The following TNKS variants were observed in gnomAD, a reference collection of about 807,000 sequenced individuals.
TNKS encodes poly [ADP-ribose] polymerase tankyrase-1.
A neutral mutation model predicts 135.8 loss-of-function variants in TNKS; 72 were observed. The observed-to-expected ratio is 0.53, with a 90% confidence interval of 0.44 to 0.64. The LOEUF (loss-of-function observed/expected upper bound fraction) is 0.64. TNKS is among the 30% of genes least tolerant of loss of function. The pLI is 0.00. For missense variants in TNKS, 1,769 were observed against 1,674.0 expected (o/e 1.06, Z -0.99); for synonymous variants, 849 against 649.3 (o/e 1.31, Z -4.68).
At chr8:9,690,400 C>A (rs1411697160) in intron 5 of TNKS, among the ~76,000 whole-genome samples, 1 of 152,150 alleles carries the variant, frequency 6.6e-6, no homozygotes, top group African/African-American at 2.4e-5. Flanking sequence ...CTTCTCCCTT[C>A]CCTTCTCTTT....
intron 3 of TNKS, among the ~76,000 whole-genome samples, chr8:9,668,099 C>G (rs1045221438): frequency 1.3e-5 from 2 of 152,152 alleles, no homozygotes; most frequent in Non-Finnish European, 2.9e-5. Flanking sequence ...AAAGTAATCA[C>G]CCGTGTGAAC....
chr8:9,723,933 C>T (rs893980042), intron 12 of TNKS, among the ~76,000 whole-genome samples: 2 of 152,174 alleles, frequency 1.3e-5, no homozygotes, highest in South Asian at 2.1e-4. Context: ...CTAAATTAAA[C>T]ATTGAAACCC....
chr8:9,584,095 G>C (rs1798275886), intron 2 of TNKS, among the ~76,000 whole-genome samples: 2 of 150,424 alleles, frequency 1.3e-5, no homozygotes, highest in Admixed American at 6.6e-5. Flanking sequence ...ACCCGGGATG[G>C]GGAGCTTGCA....
Position 9,611,063 on chromosome 8 carries a change from C to G in TNKS, c.899-4519C>G, listed in dbSNP as rs1799442155. On this transcript the variant is annotated intron_variant, in intron 2 of 26. Transcript: ENST00000310430. Reference sequence around the variant, plus strand: ...AGAAATGGGAAAATCGTGTGTCCTTCTTGACATAGCTCATTTGAAAATGGT... The same window carrying G: ...AGAAATGGGAAAATCGTGTGTCCTTGTTGACATAGCTCATTTGAAAATGGT... Among the ~76,000 whole-genome samples the G allele has an allele frequency of 1.3e-5, 2 of 152,200 alleles. 1 individual carries two copies. Among genetic ancestry groups the G allele is most frequent in the Non-Finnish European group, 2.9e-5 (2 of 68,030 alleles).
intron 3 of TNKS, among the ~76,000 whole-genome samples, chr8:9,621,109 A>G (rs1332252072): frequency 1.3e-5 from 2 of 152,224 alleles, no homozygotes; most frequent in Non-Finnish European, 1.5e-5. Flanking sequence ...TGAATTGCAT[A>G]TAGTCCTATA....
intron 2 of TNKS, among the ~76,000 whole-genome samples, chr8:9,586,722 C>CGTGTGTGT (rs5889287): frequency 2.0e-3 from 282 of 143,296 alleles, no homozygotes; most frequent in African/African-American, 3.6e-3. Flanking sequence ...ATATCTAAAA[C>CGTGTGTGT]GTGTGTGTGT....
chr8:9,612,904 G>C (rs539386630), intron 2 of TNKS, among the ~76,000 whole-genome samples: 1 of 152,264 alleles, frequency 6.6e-6, no homozygotes, highest in South Asian at 2.1e-4. Flanking sequence ...AAGCAAGCTA[G>C]AGAAAAGAAA....
At chr8:9,556,956 G>C in intron 1 of TNKS, 1 of 459,464 alleles carries the variant, frequency 2.2e-6, no homozygotes, top group Non-Finnish European at 3.8e-6. Flanking sequence ...TTTGTCGTTT[G>C]TGTGCTAGTT....
intron 2 of TNKS, among the ~76,000 whole-genome samples, chr8:9,613,132 T>C (rs1364727921): frequency 6.6e-6 from 1 of 152,150 alleles, no homozygotes; most frequent in South Asian, 2.1e-4. Context: ...TTCAAACTTG[T>C]GTTATTGTCA....
chr8:9,645,104 C>G (rs1238759088), intron 3 of TNKS, among the ~76,000 whole-genome samples: 2 of 152,086 alleles, frequency 1.3e-5, no homozygotes, highest in East Asian at 1.9e-4. Flanking sequence ...TTGGATGTCA[C>G]AAGACAGGCG....
intron 5 of TNKS, among the ~76,000 whole-genome samples, chr8:9,686,055 C>T (rs1802982549): frequency 6.6e-6 from 1 of 152,114 alleles, no homozygotes; most frequent in South Asian, 2.1e-4. Flanking sequence ...ATTACTCATG[C>T]CCTTGTCTAG....
chr8:9,620,702 A>G (rs1230129645), intron 3 of TNKS, among the ~76,000 whole-genome samples: 3 of 152,142 alleles, frequency 2.0e-5, no homozygotes, highest in South Asian at 2.1e-4. Context: ...AACATAAGCT[A>G]TTTACTGAAA....
Position 9,680,032 on chromosome 8 carries a change from A to T in TNKS, c.1031+45A>T, listed in dbSNP as rs746772172. 57 of 1,464,194 alleles carry T rather than the reference A, an allele frequency of 3.9e-5. No homozygotes were observed. The Admixed American group carries it at 6.0e-4, about 15-fold the overall frequency. The allele number at this position is 1,464,194 out of a possible 1,614,324, so 90.7% of individuals were successfully genotyped here. On this transcript the variant is annotated intron_variant, in intron 4 of 26. Coordinates refer to ENST00000310430, the MANE Select transcript of TNKS (RefSeq NM_003747.3). ...TTAAGTGTATATAATGCATTAAGGA[A>T]GAGAAGGAGGAGGGCAGGTGGAGGA...
intron 4 of TNKS, 57 bp from the exon 5 acceptor site, chr8:9,680,668 A>G: frequency 7.9e-7 from 1 of 1,271,746 alleles, no homozygotes; most frequent in Non-Finnish European, 1.1e-6. Flanking sequence ...AATTATGCAT[A>G]AATATTCATA....
At chr8:9,740,662 C>G (rs1416447522) in intron 17 of TNKS, among the ~76,000 whole-genome samples, 2 of 151,976 alleles carry the variant, frequency 1.3e-5, no homozygotes, top group Non-Finnish European at 2.9e-5. Context: ...TTAAAGTTAC[C>G]TTTCTAAAGA....
At chr8:9,760,000 A>G (rs1424199753) in intron 20 of TNKS, among the ~76,000 whole-genome samples, 3 of 152,148 alleles carry the variant, frequency 2.0e-5, no homozygotes, top group African/African-American at 4.8e-5. Flanking sequence ...AACAAAAAAA[A>G]AAAAAGTAAA....
chr8:9,570,672 A>G (rs537165728), intron 1 of TNKS, among the ~76,000 whole-genome samples: 3 of 152,314 alleles, frequency 2.0e-5, no homozygotes, highest in Non-Finnish European at 4.4e-5. Context: ...TGGGACTCAG[A>G]TGTCCCTTGT....
intron 1 of TNKS, among the ~76,000 whole-genome samples, chr8:9,562,233 C>T (rs1303073399): frequency 2.0e-5 from 3 of 152,014 alleles, no homozygotes; most frequent in African/African-American, 7.2e-5. Flanking sequence ...ATATATTCTG[C>T]ATACTAGTGC....
chr8:9,611,642 T>C (rs1799467567), intron 2 of TNKS, among the ~76,000 whole-genome samples: 1 of 152,236 alleles, frequency 6.6e-6, no homozygotes, highest in Non-Finnish European at 1.5e-5. Flanking sequence ...TTGAGTACAG[T>C]GTGGCATTCT....
Sources: gnomAD v4.1 joint callset for allele counts (sites outside exome capture counted in the v4.1 genomes callset) on GRCh38, gnomAD v4.1.1 for gene constraint, MANE v1.5 for transcripts, NCBI Gene and HGNC (gene_info 2026-07-23, HGNC 2026-07-21) for gene names.